Variants in PHACTR2 observed in about 807,000 individuals in gnomAD.
The protein encoded by PHACTR2 is chromosome 6 open reading frame 56.
Under a neutral mutation model 76.0 loss-of-function variants are expected in PHACTR2, and 30 were observed. The observed-to-expected ratio is 0.39, with a 90% CI of 0.30 to 0.54. The LOEUF is 0.54. Ranked by LOEUF, PHACTR2 falls within the 20% of genes least tolerant of loss-of-function variation. The probability of loss-of-function intolerance (pLI) is 0.61; values close to 1 mark genes in which losing one functional copy is unlikely to be tolerated. For missense variants in PHACTR2, 696 were observed against 781.1 expected (o/e 0.89, Z 1.30); for synonymous variants, 292 against 292.5 (o/e 1.00, Z 0.02).
chr6:143,542,285 G>C (rs868166004), intron 1 of PHACTR2, among the ~76,000 whole-genome samples: 10 of 152,154 alleles, frequency 6.6e-5, no homozygotes, highest in Admixed American at 3.9e-4. Context: ...CATCTACCCA[G>C]GAGCCTGACC....
At chr6:143,563,635 T>C (rs2128430110) in intron 1 of PHACTR2, among the ~76,000 whole-genome samples, 1 of 151,588 alleles carries the variant, frequency 6.6e-6, no homozygotes, top group African/African-American at 2.4e-5. Context: ...TCCATCAACA[T>C]AAGCATCATA....
At chr6:143,748,592 T>G (rs189689853) in intron 2 of PHACTR2, among the ~76,000 whole-genome samples, 303 of 152,332 alleles carry the variant, frequency 2.0e-3, no homozygotes, top group Non-Finnish European at 1.5e-3. Context: ...TGTTTATGTG[T>G]TTTTTTCTTT....
rs1023832476 is a variant in PHACTR2, at chr6:143,827,172, A to G, written c.*3483A>G. 4.5e-5 allele frequency: 5 copies of G among 112,044 alleles called. No homozygotes were observed. The highest frequency in any genetic ancestry group is 3.0e-4 in the East Asian group (1 of 3,334). The allele number at this position is 112,044 out of a possible 1,614,324, so 6.9% of individuals were successfully genotyped here. ...AAAAAGAAAATATATATATATATAT[A>G]TATATATATATATATATATATATAT... On this transcript the variant is annotated 3_prime_UTR_variant, in exon 13 of 13. Coordinates refer to ENST00000440869, the MANE Select transcript of PHACTR2 (RefSeq NM_001100164.2).
rs1219218240 is a variant in PHACTR2 at position 143,659,977 on chromosome 6, A to T, written c.13+51655A>T. Reference sequence around the variant, plus strand: ...GAACACTAAAAACTTAAATGTATGTATTTAGTAGGTACATATTAAATGTCA... The same window carrying T: ...GAACACTAAAAACTTAAATGTATGTTTTTAGTAGGTACATATTAAATGTCA... On this transcript the variant is annotated intron_variant, in intron 1 of 11. Transcript: ENST00000305766. The surrounding 1 kb of genome is among the most constrained non-coding windows in gnomAD (Gnocchi z 5.0). Among the ~76,000 whole-genome samples the T allele has an allele frequency of 6.6e-6, 1 of 152,216 alleles. No individual in the cohort carries two copies. Among genetic ancestry groups the T allele is most frequent in the Non-Finnish European group, 1.5e-5 (1 of 68,044 alleles).
intron 1 of PHACTR2, among the ~76,000 whole-genome samples, chr6:143,620,613 T>G (rs1421118066): frequency 6.6e-6 from 1 of 152,232 alleles, no homozygotes; most frequent in Non-Finnish European, 1.5e-5. Flanking sequence ...TTATTTATTT[T>G]TTCAGACAGC....
intron 10 of PHACTR2, 91 bp from the exon 11 acceptor site, chr6:143,788,682 C>T: frequency 1.1e-6 from 1 of 891,814 alleles, no homozygotes; most frequent in Non-Finnish European, 1.6e-6. Flanking sequence ...CTTATTTAAC[C>T]ATAACTTTGA....
In PHACTR2 at chr6:143,678,170, C is replaced by T; in HGVS notation, c.7C>T (p.Gln3Ter). ...TGGCCCTGCGACCCCAGTCATGGGC[C>T]AGACCTCGGTGTCCACGCTGTCCCC... is the stretch of plus-strand genomic sequence containing the variant. MG[Q>*]TSVSTLSPQP... is the part of the protein sequence containing the mutation. Residue 3 changes from glutamine (Q) to a stop codon, truncating the protein, a stop_gained, in exon 1 of 13, where the codon CAG becomes TAG. Transcript: ENST00000440869. LOFTEE classifies it high-confidence loss of function. This position sits in a 1 kb window ranked among gnomAD's most constrained non-coding sequence, Gnocchi z 6.2. 1 of 1,542,756 alleles carries T rather than the reference C, an allele frequency of 6.5e-7. No individual in the cohort carries two copies.
At position 143,633,465 on chromosome 6, in the gene PHACTR2, A is replaced by G. The variant is rs1014992120; in HGVS notation, c.13+25143A>G. Among the ~76,000 whole-genome samples, 2 of 152,108 alleles carry G rather than the reference A, an allele frequency of 1.3e-5. No homozygotes were observed. Among genetic ancestry groups the G allele is most frequent in the East Asian group, 1.9e-4 (1 of 5,192 alleles). On this transcript the variant is annotated intron_variant, in intron 1 of 11. Coordinates refer to the PHACTR2 transcript ENST00000305766. This position sits in a 1 kb window ranked among gnomAD's most constrained non-coding sequence, Gnocchi z 4.1. ...ACCTCTTTAGAGAGACCTTCTGTTC[A>G]GGTCTTTTGTCCATTTTTAAATTGG...
rs1268784801 is a variant in PHACTR2 at position 143,816,885 on chromosome 6, G to A, written c.1923-6789G>A. ...GTTCAAGACCAGCCTGGTCAACATGGCACAATGCTGTCTCTACAAAAAATA... is the reference window on the plus strand; with the variant it reads ...GTTCAAGACCAGCCTGGTCAACATGACACAATGCTGTCTCTACAAAAAATA... On this transcript the variant is annotated intron_variant, in intron 12 of 12. Coordinates refer to ENST00000440869, the MANE Select transcript of PHACTR2 (RefSeq NM_001100164.2). The surrounding 1 kb of genome is among the most constrained non-coding windows in gnomAD (Gnocchi z 4.5). 6.6e-6 allele frequency among the ~76,000 whole-genome samples: 1 copy of A among 152,078 alleles called. No individual in the cohort carries two copies. The highest frequency in any genetic ancestry group is 2.4e-5 in the African/African-American group (1 of 41,378).
chr6:143,564,256 C>G (rs9496673), intron 1 of PHACTR2, among the ~76,000 whole-genome samples: 63,222 of 108,376 alleles, frequency 0.58, 19,597 homozygotes, highest in Middle Eastern at 0.73. Context: ...TGCACTCTAA[C>G]CTTGGCAACA....
chr6:143,735,483 G>A (rs1171548977), intron 2 of PHACTR2, among the ~76,000 whole-genome samples: 2 of 151,798 alleles, frequency 1.3e-5, no homozygotes, highest in African/African-American at 4.8e-5. Flanking sequence ...GCCATTTTAG[G>A]TTTACGGTTC....
rs1776452048 is a variant in PHACTR2, at chr6:143,822,846, C to G, written c.1923-828C>G. Reference sequence around the variant, plus strand: ...TTGCAGTATTAGTGAACAGCATGTTCAAAAGCACCGGGCTACAAAAATGCA... The same window carrying G: ...TTGCAGTATTAGTGAACAGCATGTTGAAAAGCACCGGGCTACAAAAATGCA... On this transcript the variant is annotated intron_variant, in intron 12 of 12. Transcript: ENST00000440869. The surrounding 1 kb of genome is among the most constrained non-coding windows in gnomAD (Gnocchi z 5.5). Among the ~76,000 whole-genome samples the G allele has an allele frequency of 6.6e-6, 1 of 152,164 alleles. No individual in the cohort carries two copies. The highest frequency in any genetic ancestry group is 1.5e-5 in the Non-Finnish European group (1 of 68,030).
rs1781147766 is a variant in PHACTR2 at position 143,539,034 on chromosome 6, T to C, written c.217+1827T>C. Among the ~76,000 whole-genome samples the C allele has an allele frequency of 6.6e-6, 1 of 152,210 alleles. No individual in the cohort carries two copies. The highest frequency in any genetic ancestry group is 2.4e-5 in the African/African-American group (1 of 41,456). On this transcript the variant is annotated intron_variant, in intron 1 of 11. Transcript: ENST00000367584. The surrounding 1 kb of genome is among the most constrained non-coding windows in gnomAD (Gnocchi z 4.3). ...CTAAAGAGACCACTGAGAATTCACC[T>C]AGTTGGTGATTGTAGACAAAGTATA...
chr6:143,582,631 A>C (rs1775589143), intron 1 of PHACTR2, among the ~76,000 whole-genome samples: 1 of 152,178 alleles, frequency 6.6e-6, no homozygotes, highest in Non-Finnish European at 1.5e-5. Flanking sequence ...AAATGAATAA[A>C]CAAACGATAG....
intron 1 of PHACTR2, among the ~76,000 whole-genome samples, chr6:143,693,642 C>T (rs1015007909): frequency 6.6e-6 from 1 of 152,204 alleles, no homozygotes; most frequent in Non-Finnish European, 1.5e-5. Flanking sequence ...AAGCACACTG[C>T]ATCCATTGTC....
chr6:143,564,637 C>T (rs1044110695), intron 1 of PHACTR2, among the ~76,000 whole-genome samples: 9 of 152,206 alleles, frequency 5.9e-5, no homozygotes, highest in East Asian at 1.9e-4. Flanking sequence ...GAGCTGCTGA[C>T]GAGGCCTCGG....
In PHACTR2 at chr6:143,549,616, C is replaced by T. The variant is rs543845399; in HGVS notation, c.217+12409C>T. Among the ~76,000 whole-genome samples the T allele has an allele frequency of 2.6e-5, 4 of 152,090 alleles. No individual in the cohort carries two copies. Among genetic ancestry groups the T allele is most frequent in the African/African-American group, 7.2e-5 (3 of 41,508 alleles). On this transcript the variant is annotated intron_variant, in intron 1 of 11. Transcript: ENST00000367584. This position sits in a 1 kb window ranked among gnomAD's most constrained non-coding sequence, Gnocchi z 4.2. ...GAGGGAGAAAGGTGTTTTGAAATTT[C>T]TGGTGCTGAAAAACCTGCCTTGTAC...
intron 7 of PHACTR2, among the ~76,000 whole-genome samples, chr6:143,773,399 AT>A (rs570763410): frequency 3.3e-5 from 5 of 151,186 alleles, no homozygotes; most frequent in South Asian, 2.1e-4. Context: ...AAGTGCTTTT[AT>A]TTTTTTTTAA....
In PHACTR2 at chr6:143,683,943, A is replaced by G. The variant is rs996702694; in HGVS notation, c.46+5734A>G. ...CAAGACATACTATACTTACTGCTCT[A>G]TACTTTGAATTTTTCGTGTAATATA... On this transcript the variant is annotated intron_variant, in intron 1 of 12. Transcript: ENST00000440869. This position sits in a 1 kb window ranked among gnomAD's most constrained non-coding sequence, Gnocchi z 4.1. Among the ~76,000 whole-genome samples the G allele has an allele frequency of 6.6e-6, 1 of 152,196 alleles. No individual in the cohort carries two copies. Among genetic ancestry groups the G allele is most frequent in the African/African-American group, 2.4e-5 (1 of 41,454 alleles).
Sources: gnomAD v4.1 joint callset for allele counts (sites outside exome capture counted in the v4.1 genomes callset) on GRCh38, gnomAD v4.1.1 for gene constraint, Gnocchi (gnomAD v3.1) non-coding constraint, MANE v1.5 for transcripts, NCBI Gene and HGNC (gene_info 2026-07-23, HGNC 2026-07-21) for gene names.